The following ZMAT4 variants were observed in gnomAD, a reference collection of about 807,000 sequenced individuals.
The protein encoded by ZMAT4 is zinc finger matrin-type protein 4.
A neutral mutation model predicts 28.7 loss-of-function variants in ZMAT4; 17 were observed. The ratio of observed to expected loss-of-function variants is 0.59; its 90% CI spans 0.41 to 0.89. ZMAT4 has a LOEUF of 0.89. ZMAT4 is among the 40% of genes least tolerant of loss of function. The pLI is 0.00. For synonymous variants in ZMAT4, 117 were observed against 109.2 expected (o/e 1.07, Z -0.44); for missense variants, 240 against 283.8 (o/e 0.85, Z 1.11).
intron 1 of ZMAT4, among the ~76,000 whole-genome samples, chr8:40,867,844 A>T (rs546200488): frequency 6.6e-6 from 1 of 152,172 alleles, no homozygotes; most frequent in Non-Finnish European, 1.5e-5. Flanking sequence ...AAAATACTAT[A>T]GAATGCAGTA....
At chr8:40,740,833 G>A (rs1811969558) in intron 3 of ZMAT4, among the ~76,000 whole-genome samples, 1 of 152,180 alleles carries the variant, frequency 6.6e-6, no homozygotes. Flanking sequence ...GCAGAAATGT[G>A]TGAACTGATT....
intron 3 of ZMAT4, among the ~76,000 whole-genome samples, chr8:40,703,944 T>C (rs1427357975): frequency 6.6e-6 from 1 of 152,156 alleles, no homozygotes; most frequent in Non-Finnish European, 1.5e-5. Flanking sequence ...TCCCATGTAG[T>C]ATATGGAATT....
chr8:40,587,189 A>C (rs536641350), intron 5 of ZMAT4, among the ~76,000 whole-genome samples: 1 of 152,160 alleles, frequency 6.6e-6, no homozygotes, highest in Non-Finnish European at 1.5e-5. Flanking sequence ...ATTTCTGTCA[A>C]AATTGAAGGT....
Position 40,884,291 on chromosome 8 carries a change from C to T in ZMAT4, c.-5+13392G>A, listed in dbSNP as rs190073486. On this transcript the variant is annotated intron_variant, in intron 1 of 6. Transcript: ENST00000297737. The stretch of plus-strand genomic sequence containing the variant: ...CTCACCCACTCAAGGCCATTCTCAC[C>T]TCCGCCCCCACCCATCATCTTTGTA... Among the ~76,000 whole-genome samples, 232 of 152,212 alleles carry T rather than the reference C, an allele frequency of 1.5e-3. 1 individual carries two copies. The highest frequency in any genetic ancestry group is 2.7e-3 in the Non-Finnish European group (186 of 68,006).
intron 5 of ZMAT4, among the ~76,000 whole-genome samples, chr8:40,593,791 T>C (rs755526339): frequency 6.6e-6 from 1 of 152,214 alleles, no homozygotes; most frequent in Non-Finnish European, 1.5e-5. Context: ...TTACCCTCTC[T>C]GCCATTCACA....
chr8:40,583,048 G>A (rs778658421), intron 5 of ZMAT4, among the ~76,000 whole-genome samples: 3 of 152,148 alleles, frequency 2.0e-5, no homozygotes, highest in African/African-American at 4.8e-5. Flanking sequence ...GAAAGAAATG[G>A]GTAGAGACTT....
intron 3 of ZMAT4, among the ~76,000 whole-genome samples, chr8:40,752,333 C>G (rs1170026023): frequency 6.6e-6 from 1 of 152,164 alleles, no homozygotes; most frequent in Non-Finnish European, 1.5e-5. Context: ...TCCCCCTACT[C>G]CTCTTGTCAT....
intron 5 of ZMAT4, among the ~76,000 whole-genome samples, chr8:40,610,908 A>G (rs1186576075): frequency 4.8e-5 from 7 of 147,266 alleles, no homozygotes; most frequent in Non-Finnish European, 8.9e-5. Context: ...TCCTATTCTC[A>G]GACTTAAAAA....
intron 2 of ZMAT4, among the ~76,000 whole-genome samples, chr8:40,819,136 C>T (rs9886534): frequency 0.43 from 65,701 of 151,702 alleles, 14,955 homozygotes; most frequent in Middle Eastern, 0.57. Flanking sequence ...AAAAAATATA[C>T]ATGTTTTGGC....
chr8:40,598,447 G>A (rs1563358063), intron 5 of ZMAT4, among the ~76,000 whole-genome samples: 1 of 152,162 alleles, frequency 6.6e-6, no homozygotes, highest in Non-Finnish European at 1.5e-5. Context: ...TCACTTATGA[G>A]TGAGAACATG....
chr8:40,828,800 G>A (rs1816171931), intron 1 of ZMAT4, among the ~76,000 whole-genome samples: 1 of 152,010 alleles, frequency 6.6e-6, no homozygotes, highest in African/African-American at 2.4e-5. Flanking sequence ...AGTCCATGTA[G>A]GTCACTTTAG....
At chr8:40,763,454 C>T (rs920578090) in intron 3 of ZMAT4, among the ~76,000 whole-genome samples, 37 of 152,112 alleles carry the variant, frequency 2.4e-4, no homozygotes, top group African/African-American at 8.7e-4. Context: ...AAAGATCACT[C>T]ATATATATAA....
intron 1 of ZMAT4, among the ~76,000 whole-genome samples, chr8:40,832,531 C>T (rs766559791): frequency 1.1e-4 from 17 of 152,128 alleles, no homozygotes; most frequent in Non-Finnish European, 2.1e-4. Context: ...CCAGATGATG[C>T]CCCCTGCTCA....
intron 5 of ZMAT4, among the ~76,000 whole-genome samples, chr8:40,650,858 C>T (rs911672008): frequency 2.6e-5 from 4 of 151,850 alleles, no homozygotes; most frequent in Admixed American, 2.0e-4. Flanking sequence ...CAGAAAAAAC[C>T]TTTGACAAAA....
At chr8:40,603,713 C>T (rs1805480524) in intron 5 of ZMAT4, among the ~76,000 whole-genome samples, 1 of 152,126 alleles carries the variant, frequency 6.6e-6, no homozygotes, top group South Asian at 2.1e-4. Flanking sequence ...ACTGCTAGCT[C>T]CACCTCCAGA....
intron 6 of ZMAT4, among the ~76,000 whole-genome samples, chr8:40,541,161 ATTAT>A (rs1402309294): frequency 6.6e-6 from 1 of 152,140 alleles, no homozygotes; most frequent in Non-Finnish European, 1.5e-5. Context: ...AATGTGATCT[ATTAT>A]TTATTATTTA....
At chr8:40,573,783 C>T (rs907771901) in intron 6 of ZMAT4, among the ~76,000 whole-genome samples, 1 of 151,966 alleles carries the variant, frequency 6.6e-6, no homozygotes, top group African/African-American at 2.4e-5. Flanking sequence ...GGAAAGTGGA[C>T]CCATATTTGT....
chr8:40,827,976 C>T (rs1019821517), intron 1 of ZMAT4, among the ~76,000 whole-genome samples: 1 of 152,216 alleles, frequency 6.6e-6, no homozygotes, highest in Non-Finnish European at 1.5e-5. Context: ...CTGAAGATAA[C>T]ACTCTTCTAT....
At chr8:40,653,993 T>C (rs1046963911) in intron 5 of ZMAT4, among the ~76,000 whole-genome samples, 2 of 152,176 alleles carry the variant, frequency 1.3e-5, no homozygotes, top group Non-Finnish European at 2.9e-5. Context: ...CAGGCTGAGA[T>C]CTGTTAGCAC....
Sources: allele counts gnomAD v4.1 joint callset (sites outside exome capture counted in the v4.1 genomes callset), GRCh38; gene constraint gnomAD v4.1.1; transcripts MANE v1.5; gene names NCBI Gene and HGNC (gene_info 2026-07-23, HGNC 2026-07-21).